The following CTNNA2 variants were observed in gnomAD, a reference collection of about 807,000 sequenced individuals.
The protein encoded by CTNNA2 is catenin alpha-2.
CTNNA2 carries 42 observed loss-of-function variants against 101.0 expected under a neutral mutation model. The ratio of observed to expected loss-of-function variants is 0.42; its 90% CI spans 0.32 to 0.54. CTNNA2 has a LOEUF of 0.54. CTNNA2 is among the 20% of genes least tolerant of loss of function. The probability of loss-of-function intolerance (pLI) is 0.14; values close to 1 mark genes in which losing one functional copy is unlikely to be tolerated. For synonymous variants in CTNNA2, 450 were observed against 456.4 expected, an observed-to-expected ratio of 0.99 and a Z score of 0.18; for missense variants, 871 against 1,223.1, an observed-to-expected ratio of 0.71 and a Z score of 4.29.
intron 3 of CTNNA2, among the ~76,000 whole-genome samples, chr2:79,345,282 A>G (rs1677237154): frequency 6.6e-6 from 1 of 152,164 alleles, no homozygotes; most frequent in South Asian, 2.1e-4. Flanking sequence ...AAGAGACAGT[A>G]ATAAATAGCA....
At chr2:79,831,593 T>G (rs1558562051) in intron 3 of CTNNA2, among the ~76,000 whole-genome samples, 2 of 152,156 alleles carry the variant, frequency 1.3e-5, no homozygotes, top group Non-Finnish European at 2.9e-5. Context: ...ATATGATAAC[T>G]CATTTGGGTA....
chr2:80,441,014 G>C (rs1298264058), intron 9 of CTNNA2, among the ~76,000 whole-genome samples: 1 of 152,228 alleles, frequency 6.6e-6, no homozygotes, highest in African/African-American at 2.4e-5. Context: ...ATTTGTGGCT[G>C]AGGCAAACAA....
chr2:79,880,204 C>T (rs920490699), intron 6 of CTNNA2, among the ~76,000 whole-genome samples: 1 of 152,036 alleles, frequency 6.6e-6, no homozygotes, highest in African/African-American at 2.4e-5. Context: ...TTATGTGCTG[C>T]TGGATTTGGT....
chr2:79,770,015 T>C (rs1418588949), intron 3 of CTNNA2, among the ~76,000 whole-genome samples: 5 of 152,340 alleles, frequency 3.3e-5, no homozygotes, highest in Non-Finnish European at 7.3e-5. Flanking sequence ...GTTACCTTAC[T>C]GGCAGCATGA....
chr2:80,549,825 C>G (rs1692414796), intron 11 of CTNNA2, among the ~76,000 whole-genome samples: 1 of 152,124 alleles, frequency 6.6e-6, no homozygotes, highest in Admixed American at 6.5e-5. Flanking sequence ...AGGCCACTGT[C>G]AGGAATGCAA....
At chr2:79,934,671 G>C (rs187230605) in intron 7 of CTNNA2, among the ~76,000 whole-genome samples, 62 of 152,322 alleles carry the variant, frequency 4.1e-4, no homozygotes, top group African/African-American at 1.4e-3. Flanking sequence ...CTGTGTCCTT[G>C]CTCTGCAGCT....
intron 7 of CTNNA2, among the ~76,000 whole-genome samples, chr2:80,118,437 G>A (rs1180378501): frequency 6.6e-6 from 1 of 152,118 alleles, no homozygotes; most frequent in Non-Finnish European, 1.5e-5. Context: ...TTATGAATCA[G>A]CCTTGTATTT....
intron 3 of CTNNA2, among the ~76,000 whole-genome samples, chr2:79,758,530 A>G (rs538040951): frequency 2.0e-5 from 3 of 152,280 alleles, no homozygotes; most frequent in South Asian, 4.2e-4. Context: ...TTGGGATACA[A>G]TTAACCCCGT....
intron 7 of CTNNA2, among the ~76,000 whole-genome samples, chr2:80,070,082 C>T (rs1241603078): frequency 6.6e-6 from 1 of 152,184 alleles, no homozygotes; most frequent in African/African-American, 2.4e-5. Flanking sequence ...TCAATCAGCC[C>T]AGCCAACACT....
chr2:79,670,017 A>G (rs1042577877), intron 2 of CTNNA2, among the ~76,000 whole-genome samples: 2 of 152,152 alleles, frequency 1.3e-5, no homozygotes, highest in Admixed American at 6.5e-5. Context: ...GAGAGAGGCC[A>G]GGCTGTGGGA....
chr2:80,009,860 A>G (rs954827347), intron 7 of CTNNA2, among the ~76,000 whole-genome samples: 2 of 152,092 alleles, frequency 1.3e-5, no homozygotes, highest in African/African-American at 4.8e-5. Context: ...AGTTGGAAAC[A>G]TTTTATAAAA....
At chr2:80,158,295 T>A (rs1480981423) in intron 7 of CTNNA2, among the ~76,000 whole-genome samples, 2 of 152,204 alleles carry the variant, frequency 1.3e-5, no homozygotes, top group Non-Finnish European at 2.9e-5. Context: ...TGAAATACCA[T>A]GTACTGTCTC....
chr2:79,628,967 C>T (rs1679502425), intron 1 of CTNNA2, among the ~76,000 whole-genome samples: 1 of 152,186 alleles, frequency 6.6e-6, no homozygotes, highest in South Asian at 2.1e-4. Flanking sequence ...TTGATGTAAG[C>T]TGATTAATGA....
chr2:80,283,370 TGATTC>T (rs1300663237), intron 7 of CTNNA2, among the ~76,000 whole-genome samples: 1 of 152,178 alleles, frequency 6.6e-6, no homozygotes, highest in Non-Finnish European at 1.5e-5. Context: ...CTAATTACAC[TGATTC>T]GATCATTACA....
chr2:80,572,078 G>A (rs1378005857), intron 12 of CTNNA2, among the ~76,000 whole-genome samples: 1 of 152,052 alleles, frequency 6.6e-6, no homozygotes, highest in East Asian at 1.9e-4. Context: ...ACTAGATTTT[G>A]TCAAAGCACT....
chr2:80,425,728 G>A (rs1178796938), intron 9 of CTNNA2, among the ~76,000 whole-genome samples: 1 of 151,524 alleles, frequency 6.6e-6, no homozygotes, highest in Non-Finnish European at 1.5e-5. Flanking sequence ...CCTTGTATTT[G>A]TGTGCCATTT....
chr2:80,258,322 G>A (rs1672331586), intron 7 of CTNNA2, among the ~76,000 whole-genome samples: 1 of 152,164 alleles, frequency 6.6e-6, no homozygotes, highest in Non-Finnish European at 1.5e-5. Flanking sequence ...CACTTAGGAA[G>A]CTTGCAGCTG....
At chr2:79,449,966 A>T (rs1162724116) in intron 4 of CTNNA2, among the ~76,000 whole-genome samples, 1 of 151,996 alleles carries the variant, frequency 6.6e-6, no homozygotes, top group African/African-American at 2.4e-5. Flanking sequence ...ACGCACAGAT[A>T]TTTCTATTCC....
At chr2:80,557,667 C>T (rs534929870) in intron 12 of CTNNA2, among the ~76,000 whole-genome samples, 1 of 152,304 alleles carries the variant, frequency 6.6e-6, no homozygotes, top group South Asian at 2.1e-4. Flanking sequence ...ACAGATAACT[C>T]AGGCACTGTT....
Sources: allele counts gnomAD v4.1 joint callset (sites outside exome capture counted in the v4.1 genomes callset), GRCh38; gene constraint gnomAD v4.1.1; transcripts MANE v1.5; gene names NCBI Gene and HGNC (gene_info 2026-07-23, HGNC 2026-07-21).